PCDHGA9: variants seen among roughly 807,000 people sequenced by gnomAD.
PCDHGA9 encodes protocadherin gamma-A9.
Under a neutral mutation model 62.5 loss-of-function variants are expected in PCDHGA9, and 37 were observed. The ratio of observed to expected loss-of-function variants is 0.59; its 90% CI spans 0.46 to 0.78. PCDHGA9 has a LOEUF of 0.78. Ranked by LOEUF, PCDHGA9 falls within the 30% of genes least tolerant of loss-of-function variation. The probability of loss-of-function intolerance (pLI) is 0.00; values close to 1 mark genes in which losing one functional copy is unlikely to be tolerated. For missense variants in PCDHGA9, 1,138 were observed against 1,166.2 expected (o/e 0.98, Z 0.35); for synonymous variants, 459 against 484.6 (o/e 0.95, Z 0.69).
In PCDHGA9 at chr5:141,491,177, T is replaced by G; in HGVS notation, c.2425-3630T>G. The G allele has an allele frequency of 6.2e-7, 1 of 1,614,158 alleles. No homozygotes were observed. Among genetic ancestry groups the G allele is most frequent in the Non-Finnish European group, 8.5e-7 (1 of 1,180,010 alleles). Reference sequence around the variant, plus strand: ...GACTCTGACACCCAGCAGGTGGTGGTCCTGGTGAGGGACAATGGTGACCCT... The same window carrying G: ...GACTCTGACACCCAGCAGGTGGTGGGCCTGGTGAGGGACAATGGTGACCCT... On this transcript the variant is annotated intron_variant, in intron 1 of 3. Transcript: ENST00000573521. This position sits in a 1 kb window ranked among gnomAD's most constrained non-coding sequence, Gnocchi z 6.9.
intron 1 of PCDHGA9, among the ~76,000 whole-genome samples, chr5:141,481,194 T>C (rs74538051): frequency 0.017 from 2,576 of 152,298 alleles, 78 homozygotes; most frequent in African/African-American, 0.059. Context: ...CCAGGCCCAA[T>C]TTTTTTAAAA....
rs1302496204 is a variant in PCDHGA9, at chr5:141,413,214, T to A, written c.2424+7838T>A. On this transcript the variant is annotated intron_variant, in intron 1 of 3. Coordinates refer to ENST00000573521, the MANE Select transcript of PCDHGA9 (RefSeq NM_018921.3). ...GGAATCGCTCAAAGGAATCAAAGGA[T>A]TGCAGCGGGCTGGTCCTGCTCTGCC... 6 of 1,613,176 alleles carry A rather than the reference T, an allele frequency of 3.7e-6. No homozygotes were observed. The African/African-American group carries it at 8.0e-5, about 22-fold the overall frequency.
In PCDHGA9 at chr5:141,420,077, C is replaced by T. The variant is rs760626443; in HGVS notation, c.2424+14701C>T. The T allele has an allele frequency of 2.9e-5, 47 of 1,613,782 alleles. No homozygotes were observed. Among genetic ancestry groups the T allele is most frequent in the Admixed American group, 1.0e-4 (6 of 60,004 alleles). The stretch of plus-strand genomic sequence containing the variant: ...CTGCTCCAAGTCCGGACCTGTGGGT[C>T]CCCCCAACTACAGTGAGGGAACGTT... On this transcript the variant is annotated intron_variant, in intron 1 of 3. Coordinates refer to ENST00000573521, the MANE Select transcript of PCDHGA9 (RefSeq NM_018921.3).
chr5:141,421,791 T>TG, intron 1 of PCDHGA9: 1 of 1,613,792 alleles, frequency 6.2e-7, no homozygotes, highest in Non-Finnish European at 8.5e-7. Flanking sequence ...GCAGAACGGA[T>TG]GGGGCCAAGA....
In PCDHGA9 at chr5:141,483,740, A is replaced by T. The variant is rs2099586227; in HGVS notation, c.2425-11067A>T. Among the ~76,000 whole-genome samples, 4 of 152,148 alleles carry T rather than the reference A, an allele frequency of 2.6e-5. No homozygotes were observed. The South Asian group carries it at 8.3e-4, about 32-fold the overall frequency. ...TGGTTCCCACCATAGTCAAAAGGATATTCCTGAGGATCGAGGCTTGGAAAA... is the reference window on the plus strand; with the variant it reads ...TGGTTCCCACCATAGTCAAAAGGATTTTCCTGAGGATCGAGGCTTGGAAAA... On this transcript the variant is annotated intron_variant, in intron 1 of 3. Transcript: ENST00000573521.
intron 1 of PCDHGA9, among the ~76,000 whole-genome samples, chr5:141,464,715 T>C (rs1013508667): frequency 2.0e-5 from 3 of 152,090 alleles, no homozygotes; most frequent in Admixed American, 2.0e-4. Flanking sequence ...AAATAGTTTT[T>C]CATATGTTTA....
At chr5:141,451,077 C>T (rs1422196268) in intron 1 of PCDHGA9, among the ~76,000 whole-genome samples, 1 of 152,098 alleles carries the variant, frequency 6.6e-6, no homozygotes, top group Admixed American at 6.6e-5. Context: ...ATCCACCCAC[C>T]TTGACCTCCC....
chr5:141,431,216 C>A lies in PCDHGA9; in HGVS notation c.2424+25840C>A. On this transcript the variant is annotated intron_variant, in intron 1 of 3. Coordinates refer to ENST00000573521, the MANE Select transcript of PCDHGA9 (RefSeq NM_018921.3). The surrounding 1 kb of genome is among the most constrained non-coding windows in gnomAD (Gnocchi z 4.8). ...AAATGCAGCCACTGAGATGCGGTTC[C>A]CTCTACCCCACGCCTGGGATCCGGA... The A allele has an allele frequency of 6.2e-7, 1 of 1,614,162 alleles. No homozygotes were observed. The highest frequency in any genetic ancestry group is 8.5e-7 in the Non-Finnish European group (1 of 1,180,048).
chr5:141,511,823 G>A lies in PCDHGA9; in HGVS notation c.*650G>A, dbSNP rs1490513046. On this transcript the variant is annotated 3_prime_UTR_variant, in exon 4 of 4. Transcript: ENST00000573521. ...TTTTGCTACCAAGCCTCTTCCCAACGCCCTGGGGACCAGTCTTCTGTTTTG... is the reference window on the plus strand; with the variant it reads ...TTTTGCTACCAAGCCTCTTCCCAACACCCTGGGGACCAGTCTTCTGTTTTG... 4 of 156,728 alleles carry A rather than the reference G, an allele frequency of 2.6e-5. No homozygotes were observed. The highest frequency in any genetic ancestry group is 3.2e-3 in the Middle Eastern group (1 of 316). 9.7% of individuals were successfully genotyped at this position (156,728 alleles called of 1,614,324 possible). A position where few individuals can be genotyped will look rare whatever the true frequency, so the allele number is the denominator to read the frequency against.
Position 141,489,565 on chromosome 5 carries a change from G to C in PCDHGA9, c.2425-5242G>C. The C allele has an allele frequency of 6.2e-7, 1 of 1,614,118 alleles. No homozygotes were observed. ...CAGCTGCCTGCTGCCAGTGCAGGTGGTGACTGAACACCCCCTGGAGCTAAT... is the reference window on the plus strand; with the variant it reads ...CAGCTGCCTGCTGCCAGTGCAGGTGCTGACTGAACACCCCCTGGAGCTAAT... On this transcript the variant is annotated intron_variant, in intron 1 of 3. Coordinates refer to ENST00000573521, the MANE Select transcript of PCDHGA9 (RefSeq NM_018921.3). This position sits in a 1 kb window ranked among gnomAD's most constrained non-coding sequence, Gnocchi z 4.5.
Position 141,432,059 on chromosome 5 carries a change from A to T in PCDHGA9, c.2424+26683A>T. On this transcript the variant is annotated intron_variant, in intron 1 of 3. Transcript: ENST00000573521. This position sits in a 1 kb window ranked among gnomAD's most constrained non-coding sequence, Gnocchi z 6.0. ...TGACCGGGGAACCCCGCCCCTATCC[A>T]CGGAAACTCATATCTCGCTGAACGT... The T allele has an allele frequency of 6.2e-7, 1 of 1,614,170 alleles. No homozygotes were observed. Among genetic ancestry groups the T allele is most frequent in the Non-Finnish European group, 8.5e-7 (1 of 1,180,030 alleles).
intron 1 of PCDHGA9, among the ~76,000 whole-genome samples, chr5:141,438,606 A>G: frequency 3.6e-5 from 1 of 27,780 alleles, no homozygotes; most frequent in African/African-American, 2.7e-4. Flanking sequence ...ATATATATAT[A>G]TATATATATA....
chr5:141,494,752 T>C (rs889400984), intron 1 of PCDHGA9, 55 bp from the exon 2 acceptor site: 18 of 1,612,206 alleles, frequency 1.1e-5, no homozygotes, highest in Non-Finnish European at 1.5e-5. Context: ...GGGGCTCGGG[T>C]GACATTCTAA....
intron 1 of PCDHGA9, among the ~76,000 whole-genome samples, chr5:141,488,434 C>T (rs1231743982): frequency 2.6e-5 from 4 of 152,166 alleles, no homozygotes; most frequent in African/African-American, 7.2e-5. Flanking sequence ...TGGCCTCTGA[C>T]CACCCTCCTG....
chr5:141,496,440 A>G (rs2099768848), intron 2 of PCDHGA9, among the ~76,000 whole-genome samples: 1 of 152,158 alleles, frequency 6.6e-6, no homozygotes, highest in South Asian at 2.1e-4. Flanking sequence ...AAGTTGCTAC[A>G]GATGCTGAGC....
At chr5:141,423,755 G>GT (rs542747697) in intron 1 of PCDHGA9, 5 of 512,416 alleles carry the variant, frequency 9.8e-6, no homozygotes, top group Admixed American at 7.1e-5. Context: ...CTGTTTGGGG[G>GT]GGGGGTGGGG....
In PCDHGA9 at chr5:141,491,257, G is replaced by A. The variant is rs754721047; in HGVS notation, c.2425-3550G>A. 2 of 1,614,170 alleles carry A rather than the reference G, an allele frequency of 1.2e-6. No individual in the cohort carries two copies. The highest frequency in any genetic ancestry group is 3.3e-5 in the Admixed American group (2 of 60,020). On this transcript the variant is annotated intron_variant, in intron 1 of 3. Coordinates refer to ENST00000573521, the MANE Select transcript of PCDHGA9 (RefSeq NM_018921.3). This position sits in a 1 kb window ranked among gnomAD's most constrained non-coding sequence, Gnocchi z 6.9. ...GGTTCTGGAGGATGAGGACCCTGAG[G>A]AAATGCCCAAATCCAGTGACTTCCT... is the stretch of plus-strand genomic sequence containing the variant.
intron 1 of PCDHGA9, among the ~76,000 whole-genome samples, chr5:141,406,157 C>A: frequency 6.6e-6 from 1 of 151,124 alleles, no homozygotes. Flanking sequence ...ACTGCAGTCT[C>A]AATCTCCTGG....
At chr5:141,472,066 T>C (rs1440684719) in intron 1 of PCDHGA9, among the ~76,000 whole-genome samples, 1 of 152,140 alleles carries the variant, frequency 6.6e-6, no homozygotes, top group African/African-American at 2.4e-5. Flanking sequence ...GACATGTCTG[T>C]GGTTATATCA....
Sources: gnomAD v4.1 joint callset for allele counts (sites outside exome capture counted in the v4.1 genomes callset) on GRCh38, gnomAD v4.1.1 for gene constraint, Gnocchi (gnomAD v3.1) non-coding constraint, MANE v1.5 for transcripts, NCBI Gene and HGNC (gene_info 2026-07-23, HGNC 2026-07-21) for gene names.